Variants in PLA2G2C observed in about 807,000 individuals in gnomAD.
The protein encoded by PLA2G2C is phospholipase A2 group IIC.
Under a neutral mutation model 14.3 loss-of-function variants are expected in PLA2G2C, and 15 were observed. The ratio of observed to expected loss-of-function variants is 1.05; its 90% CI spans 0.70 to 1.62. The LOEUF (loss-of-function observed/expected upper bound fraction) is 1.62. PLA2G2C is among the 40% of genes most tolerant of loss of function. The pLI is 0.00. For synonymous variants in PLA2G2C, 79 were observed against 67.7 expected (o/e 1.17, Z -0.82); for missense variants, 162 against 173.2 (o/e 0.94, Z 0.36).
intron 1 of PLA2G2C, among the ~76,000 whole-genome samples, chr1:20,182,923 T>C (rs111786415): frequency 2.6e-5 from 4 of 152,296 alleles, no homozygotes; most frequent in African/African-American, 7.2e-5. Context: ...CCAAATATGG[T>C]TGGGGAGGAT....
Position 20,163,871 on chromosome 1 carries a change from G to C in PLA2G2C, c.*120C>G. 8.6e-7 allele frequency: 1 copy of C among 1,156,766 alleles called. No homozygotes were observed. The highest frequency in any genetic ancestry group is 2.0e-4 in the Middle Eastern group (1 of 4,908). The allele number at this position is 1,156,766 out of a possible 1,614,324, so 71.7% of individuals were successfully genotyped here. ...CTGAAGGGTGAGCTGCCCTGCGGGA[G>C]ACATTTTGTCCTCCCTCCCAGTGGA... is the stretch of plus-strand genomic sequence containing the variant. On this transcript the variant is annotated 3_prime_UTR_variant, in exon 5 of 5. Transcript: ENST00000679259.
intron 4 of PLA2G2C, among the ~76,000 whole-genome samples, chr1:20,167,841 G>A (rs1557785277): frequency 6.6e-6 from 1 of 152,084 alleles, no homozygotes; most frequent in Non-Finnish European, 1.5e-5. Flanking sequence ...GGCCTTCTTC[G>A]ACCACCTAAA....
At chr1:20,174,306 G>A (rs958425035) in intron 3 of PLA2G2C, among the ~76,000 whole-genome samples, 2 of 152,096 alleles carry the variant, frequency 1.3e-5, no homozygotes, top group African/African-American at 2.4e-5. Flanking sequence ...GAATTGACAC[G>A]CAAACTGTCC....
intron 4 of PLA2G2C, among the ~76,000 whole-genome samples, chr1:20,165,730 T>C: frequency 8.9e-6 from 1 of 112,800 alleles, no homozygotes. Context: ...ATGTGTATGC[T>C]TGTGTGTGCA....
intron 1 of PLA2G2C, chr1:20,184,723 A>C (rs190411070): frequency 6.6e-6 from 1 of 152,384 alleles, no homozygotes; most frequent in East Asian, 1.9e-4. Context: ...AGGCTGAGGA[A>C]GTTTCCATAT....
At position 20,163,919 on chromosome 1, in the gene PLA2G2C, G is replaced by A. The variant is rs780009124; in HGVS notation, c.*72C>T. The A allele has an allele frequency of 8.8e-6, 13 of 1,480,420 alleles. No homozygotes were observed. Among genetic ancestry groups the A allele is most frequent in the African/African-American group, 1.4e-5 (1 of 71,398 alleles). The allele number at this position is 1,480,420 out of a possible 1,614,324, so 91.7% of individuals were successfully genotyped here. ...GGAAGAACAGGGGCCTGTTGGGGATGATCTGAGAAGGCTTCCTGGAAGAGC... is the reference window on the plus strand; with the variant it reads ...GGAAGAACAGGGGCCTGTTGGGGATAATCTGAGAAGGCTTCCTGGAAGAGC... On this transcript the variant is annotated 3_prime_UTR_variant, in exon 5 of 5. Coordinates refer to ENST00000679259, the MANE Select transcript of PLA2G2C (RefSeq NM_001367969.2).
chr1:20,172,024 A>C (rs1451300825), intron 4 of PLA2G2C, among the ~76,000 whole-genome samples: 2 of 151,696 alleles, frequency 1.3e-5, no homozygotes, highest in Non-Finnish European at 2.9e-5. Context: ...CGGCCTCCCA[A>C]AGTGCTGGGA....
At chr1:20,178,981 T>C (rs2018233160) in intron 1 of PLA2G2C, among the ~76,000 whole-genome samples, 1 of 152,220 alleles carries the variant, frequency 6.6e-6, no homozygotes, top group Non-Finnish European at 1.5e-5. Flanking sequence ...GCTGACGCTG[T>C]CCCTCACTGA....
intron 4 of PLA2G2C, among the ~76,000 whole-genome samples, chr1:20,170,443 G>A (rs2018051707): frequency 1.3e-5 from 2 of 152,234 alleles, no homozygotes; most frequent in African/African-American, 4.8e-5. Context: ...CAGAAGAGCA[G>A]GGACTGGGTC....
chr1:20,163,790 T>G lies in PLA2G2C; in HGVS notation c.*201A>C. 1 of 592,242 alleles carries G rather than the reference T, an allele frequency of 1.7e-6. No homozygotes were observed. The highest frequency in any genetic ancestry group is 2.9e-6 in the Non-Finnish European group (1 of 346,838). 36.7% of individuals were successfully genotyped at this position (592,242 alleles called of 1,614,324 possible). On this transcript the variant is annotated 3_prime_UTR_variant, in exon 5 of 5. Transcript: ENST00000679259. ...CAGGGCAGGCATCTCATCTTTCCCATTTCTGCTCTCCAGCCCTCTGATGCT... is the reference window on the plus strand; with the variant it reads ...CAGGGCAGGCATCTCATCTTTCCCAGTTCTGCTCTCCAGCCCTCTGATGCT...
Position 20,163,978 on chromosome 1 carries a change from C to A in PLA2G2C, c.*13G>T, listed in dbSNP as rs759630318. ...AGCGGATGCTGGATGATGAGAGGGA[C>A]CCTGTGGTGTCCCTAGCACCAGGGC... On this transcript the variant is annotated 3_prime_UTR_variant, in exon 5 of 5. Transcript: ENST00000679259. The A allele has an allele frequency of 1.2e-6, 2 of 1,609,266 alleles. No individual in the cohort carries two copies. Among genetic ancestry groups the A allele is most frequent in the African/African-American group, 1.3e-5 (1 of 74,968 alleles).
At chr1:20,185,478 G>A (rs1038846271) in intron 1 of PLA2G2C, among the ~76,000 whole-genome samples, 4 of 152,188 alleles carry the variant, frequency 2.6e-5, no homozygotes, top group East Asian at 1.9e-4. Flanking sequence ...CAGATACAGC[G>A]GAAGTGACTC....
At chr1:20,168,044 A>G (rs1343476965) in intron 4 of PLA2G2C, among the ~76,000 whole-genome samples, 1 of 152,246 alleles carries the variant, frequency 6.6e-6, no homozygotes, top group East Asian at 1.9e-4. Flanking sequence ...TGATCTTCTG[A>G]CCCCAACATG....
rs34146558 is a variant in PLA2G2C at position 20,184,198 on chromosome 1, C to CACACACACAG, written c.-77+2161_-77+2162insCTGTGTGTGT. ...AAAGGCGCGCGTGCGTGCGCACACGCACACACACACACACACACACACACA... is the reference window on the plus strand; with the variant it reads ...AAAGGCGCGCGTGCGTGCGCACACGCACACACACAGACACACACACACACACACACACACA... On this transcript the variant is annotated intron_variant, in intron 1 of 4. Transcript: ENST00000679259. 4 of 11,228 alleles carry CACACACACAG rather than the reference C, an allele frequency of 3.6e-4. No individual in the cohort carries two copies. In the African/African-American group the frequency reaches 4.3e-3, roughly 12 times the overall value. 0.7% of individuals were successfully genotyped at this position (11,228 alleles called of 1,614,324 possible). A position where few individuals can be genotyped will look rare whatever the true frequency, so the allele number is the denominator to read the frequency against.
At chr1:20,183,032 T>G (rs148456081) in intron 1 of PLA2G2C, among the ~76,000 whole-genome samples, 1 of 152,308 alleles carries the variant, frequency 6.6e-6, no homozygotes, top group African/African-American at 2.4e-5. Context: ...GTAAGCATTG[T>G]GTGGACAAGG....
At position 20,171,752 on chromosome 1, in the gene PLA2G2C, CTTCTTCTTTTTTTTTTTTTTT is replaced by C. The variant is rs1437184455; in HGVS notation, c.283+1021_283+1041del. Among the ~76,000 whole-genome samples the C allele has an allele frequency of 4.7e-5, 7 of 148,720 alleles. No individual in the cohort carries two copies. In the Admixed American group the frequency reaches 4.8e-4, roughly 10 times the overall value. The stretch of plus-strand genomic sequence containing the variant: ...GTGAGCCACACACTATAAGAAGCCA[CTTCTTCTTTTTTTTTTTTTTT>C]TTTTTTGAGACGGAGTCTCGCTCTG... On this transcript the variant is annotated intron_variant, in intron 4 of 4. Transcript: ENST00000679259.
In PLA2G2C at chr1:20,172,897, C is replaced by T. The variant is rs1172875277; in HGVS notation, c.180G>A (p.Arg60=). ...DKGIPVDDTD[R]HSPSSPSPYE... ...AGGGAGAGGGAGATGAGGGGCTGTG[C>T]CTGGAAGTGGGTCCCTCAGGAATCT... Residue 60 remains arginine (R), a splice_region_variant and synonymous_variant, in exon 4 of 5, where the codon AGG becomes AGA. Coordinates refer to ENST00000679259, the MANE Select transcript of PLA2G2C (RefSeq NM_001367969.2). The T allele has an allele frequency of 6.8e-6, 11 of 1,612,480 alleles. No homozygotes were observed. Among genetic ancestry groups the T allele is most frequent in the Admixed American group, 5.0e-5 (3 of 59,964 alleles).
chr1:20,177,651 T>A (rs11809288), intron 1 of PLA2G2C, among the ~76,000 whole-genome samples: 7,230 of 151,484 alleles, frequency 0.048, 565 homozygotes, highest in African/African-American at 0.17. Context: ...TTGGTTTGGT[T>A]TTTTTTTTTC....
intron 1 of PLA2G2C, chr1:20,184,197 GCACACACACACACA>G (rs5772887): frequency 1.3e-5 from 2 of 149,618 alleles, no homozygotes; most frequent in Non-Finnish European, 3.0e-5. Context: ...GTGCGCACAC[GCACACACACACACA>G]CACACACACA....
Sources: allele counts gnomAD v4.1 joint callset (sites outside exome capture counted in the v4.1 genomes callset), GRCh38; gene constraint gnomAD v4.1.1; transcripts MANE v1.5; gene names NCBI Gene and HGNC (gene_info 2026-07-23, HGNC 2026-07-21).